Variants in GTF2H5 observed in about 807,000 individuals in gnomAD.
GTF2H5 encodes TFB5 ortholog.
Under a neutral mutation model 7.1 loss-of-function variants are expected in GTF2H5, and 5 were observed. That is an observed-to-expected ratio of 0.71 (90% CI 0.37 to 1.49). GTF2H5 has a LOEUF of 1.49. GTF2H5 is among the 40% of genes most tolerant of loss of function. GTF2H5 has a pLI of 0.03. For synonymous variants in GTF2H5, 30 were observed against 31.7 expected, an observed-to-expected ratio of 0.95 and a Z score of 0.18; for missense variants, 80 against 83.0, an observed-to-expected ratio of 0.96 and a Z score of 0.14.
chr6:158,187,151 C>T (rs916674292), intron 2 of GTF2H5, among the ~76,000 whole-genome samples: 3 of 151,960 alleles, frequency 2.0e-5, no homozygotes, highest in Non-Finnish European at 2.9e-5. Flanking sequence ...CCTGCCACCA[C>T]GCCCGGCTAA....
intron 2 of GTF2H5, among the ~76,000 whole-genome samples, chr6:158,183,296 C>A (rs1448475513): frequency 5.3e-5 from 8 of 152,128 alleles, no homozygotes; most frequent in Non-Finnish European, 1.2e-4. Flanking sequence ...TGTCTGTCAG[C>A]CCCTACTGGG....
intron 1 of GTF2H5, among the ~76,000 whole-genome samples, chr6:158,169,357 T>C (rs1265593385): frequency 5.0e-5 from 4 of 80,252 alleles, no homozygotes; most frequent in Non-Finnish European, 9.3e-5. Flanking sequence ...TTATATATAA[T>C]ACATATATAT....
At chr6:158,190,017 T>C (rs1319123637) in intron 2 of GTF2H5, among the ~76,000 whole-genome samples, 2 of 151,976 alleles carry the variant, frequency 1.3e-5, no homozygotes, top group African/African-American at 4.8e-5. Context: ...CTTACTCAGC[T>C]TCTTCACTCA....
chr6:158,169,734 T>C (rs1464662657), intron 1 of GTF2H5, among the ~76,000 whole-genome samples: 2 of 82,632 alleles, frequency 2.4e-5, no homozygotes, highest in East Asian at 2.7e-4. Flanking sequence ...TAATATATTG[T>C]ATATTATATA....
intron 2 of GTF2H5, among the ~76,000 whole-genome samples, chr6:158,179,418 T>C (rs1425239919): frequency 6.6e-6 from 1 of 152,214 alleles, no homozygotes; most frequent in African/African-American, 2.4e-5. Flanking sequence ...TAGCATTGAA[T>C]CTATAAATTA....
At position 158,192,643 on chromosome 6, in the gene GTF2H5, A is replaced by G. The variant is rs2128432295; in HGVS notation, c.*486A>G. The G allele has an allele frequency of 5.9e-6, 1 of 168,800 alleles. No homozygotes were observed. Among genetic ancestry groups the G allele is most frequent in the South Asian group, 1.4e-4 (1 of 6,902 alleles). The allele number at this position is 168,800 out of a possible 1,614,324, so 10.5% of individuals were successfully genotyped here. A position where few individuals can be genotyped will look rare whatever the true frequency, so the allele number is the denominator to read the frequency against. ...TATTGAGGAAGACAATGTAAAACTAATGTAAACTACAGTTTGCATTTCCCT... is the reference window on the plus strand; with the variant it reads ...TATTGAGGAAGACAATGTAAAACTAGTGTAAACTACAGTTTGCATTTCCCT... On this transcript the variant is annotated 3_prime_UTR_variant, in exon 3 of 3. Transcript: ENST00000607778.
intron 2 of GTF2H5, among the ~76,000 whole-genome samples, chr6:158,179,503 C>G (rs1785979192): frequency 6.6e-6 from 1 of 151,974 alleles, no homozygotes. Flanking sequence ...CCCTTTGTGT[C>G]CTCTCTTATT....
chr6:158,170,539 G>C lies in GTF2H5; in HGVS notation c.35+1G>C, dbSNP rs1562470127. 6.2e-7 allele frequency: 1 copy of C among 1,604,032 alleles called. No homozygotes were observed. Among genetic ancestry groups the C allele is most frequent in the African/African-American group, 1.3e-5 (1 of 74,750 alleles). ...TCTTGAAAGGAGTGCTTATAGAATG[G>C]TTAGTAGTTTTGATACTGCATGAGT... On this transcript the variant is annotated splice_donor_variant, in intron 2 of 2. Transcript: ENST00000607778. LOFTEE classifies it high-confidence loss of function.
intron 1 of GTF2H5, among the ~76,000 whole-genome samples, chr6:158,169,752 ATATATTGTATATTATATATAATATAT>A (rs1562469439): frequency 4.5e-5 from 3 of 66,372 alleles, no homozygotes; most frequent in African/African-American, 2.1e-4. Flanking sequence ...ATATTATATA[ATATATTGTATATTATATATAATATAT>A]TGTATATTAT....
At chr6:158,176,382 A>G (rs753269861) in intron 2 of GTF2H5, among the ~76,000 whole-genome samples, 1 of 152,124 alleles carries the variant, frequency 6.6e-6, no homozygotes, top group African/African-American at 2.4e-5. Flanking sequence ...GCCTGCCACC[A>G]TGCCTGGCTA....
In GTF2H5 at chr6:158,195,940, G is replaced by A. The variant is rs1246988790; in HGVS notation, c.*3783G>A. On this transcript the variant is annotated 3_prime_UTR_variant, in exon 3 of 3. Coordinates refer to ENST00000607778, the MANE Select transcript of GTF2H5 (RefSeq NM_207118.3). ...TGAAATGTCTATGGATGAGATTATTGGATAAACTTTTTTAAAAACACTGTT... is the reference window on the plus strand; with the variant it reads ...TGAAATGTCTATGGATGAGATTATTAGATAAACTTTTTTAAAAACACTGTT... 6.6e-6 allele frequency: 1 copy of A among 152,134 alleles called. No homozygotes were observed. The highest frequency in any genetic ancestry group is 1.5e-5 in the Non-Finnish European group (1 of 68,024). The allele number at this position is 152,134 out of a possible 1,614,324, so 9.4% of individuals were successfully genotyped here.
intron 2 of GTF2H5, among the ~76,000 whole-genome samples, chr6:158,175,010 ATGTGTGTG>A (rs200557393): frequency 4.8e-4 from 66 of 138,320 alleles, no homozygotes; most frequent in African/African-American, 1.6e-3. Context: ...TGTGCCTGAG[ATGTGTGTG>A]TGTGTGTGTG....
intron 2 of GTF2H5, among the ~76,000 whole-genome samples, chr6:158,184,104 T>A (rs994178054): frequency 2.0e-5 from 3 of 152,166 alleles, no homozygotes; most frequent in African/African-American, 7.2e-5. Context: ...ATACTTAGAT[T>A]TCCTAAGTAA....
At position 158,194,578 on chromosome 6, in the gene GTF2H5, A is replaced by G. The variant is rs1777079653; in HGVS notation, c.*2421A>G. The stretch of plus-strand genomic sequence containing the variant: ...GTATCTCTTGAGCGAAATCCTGGGA[A>G]CTTCGTACATTGCTTGCTTCAGTAC... On this transcript the variant is annotated 3_prime_UTR_variant, in exon 3 of 3. Transcript: ENST00000607778. The G allele has an allele frequency of 6.6e-6, 1 of 152,214 alleles. No individual in the cohort carries two copies. Among genetic ancestry groups the G allele is most frequent in the Non-Finnish European group, 1.5e-5 (1 of 68,036 alleles). The allele number at this position is 152,214 out of a possible 1,614,324, so 9.4% of individuals were successfully genotyped here. A position where few individuals can be genotyped will look rare whatever the true frequency, so the allele number is the denominator to read the frequency against.
Position 158,192,454 on chromosome 6 carries a change from A to T in GTF2H5, c.*297A>T. The T allele has an allele frequency of 1.4e-5, 5 of 358,540 alleles. No homozygotes were observed. The highest frequency in any genetic ancestry group is 1.6e-5 in the Non-Finnish European group (3 of 189,738). 22.2% of individuals were successfully genotyped at this position (358,540 alleles called of 1,614,324 possible). A position where few individuals can be genotyped will look rare whatever the true frequency, so the allele number is the denominator to read the frequency against. ...TTTTAATACCATGTCAGTGTAACAT[A>T]GGTATTTATTTTGCTCATCCCTGTG... On this transcript the variant is annotated 3_prime_UTR_variant, in exon 3 of 3. Transcript: ENST00000607778.
At chr6:158,191,220 T>C (rs903065799) in intron 2 of GTF2H5, among the ~76,000 whole-genome samples, 2 of 152,188 alleles carry the variant, frequency 1.3e-5, no homozygotes, top group Non-Finnish European at 1.5e-5. Flanking sequence ...ACTCTTGATA[T>C]ACACCCTGCC....
chr6:158,198,156 C>T lies in GTF2H5; in HGVS notation c.*5999C>T, dbSNP rs998598879. 5 of 152,084 alleles carry T rather than the reference C, an allele frequency of 3.3e-5. No individual in the cohort carries two copies. The highest frequency in any genetic ancestry group is 1.2e-4 in the African/African-American group (5 of 41,418). 9.4% of individuals were successfully genotyped at this position (152,084 alleles called of 1,614,324 possible). On this transcript the variant is annotated 3_prime_UTR_variant, in exon 3 of 3. Coordinates refer to ENST00000607778, the MANE Select transcript of GTF2H5 (RefSeq NM_207118.3). Reference sequence around the variant, plus strand: ...GTTGTTTTCCCCACTTTCACAATGCCGTGCAGAAACTAACAGATGAAGGAG... The same window carrying T: ...GTTGTTTTCCCCACTTTCACAATGCTGTGCAGAAACTAACAGATGAAGGAG...
intron 2 of GTF2H5, among the ~76,000 whole-genome samples, chr6:158,187,085 C>T (rs1358416945): frequency 6.7e-6 from 1 of 149,952 alleles, no homozygotes; most frequent in East Asian, 2.0e-4. Context: ...CCCCTCACCT[C>T]CTGGGTTCAA....
chr6:158,184,994 C>G (rs1405395932), intron 2 of GTF2H5, among the ~76,000 whole-genome samples: 1 of 151,958 alleles, frequency 6.6e-6, no homozygotes, highest in Non-Finnish European at 1.5e-5. Context: ...AGCCTTGATC[C>G]TGGGACTTCA....
Sources: allele counts gnomAD v4.1 joint callset (sites outside exome capture counted in the v4.1 genomes callset), GRCh38; gene constraint gnomAD v4.1.1; transcripts MANE v1.5; gene names NCBI Gene and HGNC (gene_info 2026-07-23, HGNC 2026-07-21).